ULK4: variants seen among roughly 807,000 people sequenced by gnomAD.
ULK4 encodes the protein inactive serine/threonine-protein kinase ULK4.
In ULK4, 133 loss-of-function variants were observed where a neutral mutation model predicts 160.6. The observed-to-expected ratio is 0.83, with a 90% CI of 0.72 to 0.96. The LOEUF (loss-of-function observed/expected upper bound fraction) is 0.96. Among genes scored for constraint, ULK4 ranks in the 40% least tolerant of loss-of-function variants. ULK4 has a pLI of 0.00. For missense variants in ULK4, 1,580 were observed against 1,499.5 expected, an observed-to-expected ratio of 1.05 and a Z score of -0.89; for synonymous variants, 534 against 539.8, an observed-to-expected ratio of 0.99 and a Z score of 0.15.
At chr3:41,302,217 T>A (rs1426168420) in intron 35 of ULK4, among the ~76,000 whole-genome samples, 2 of 152,220 alleles carry the variant, frequency 1.3e-5, no homozygotes, top group Admixed American at 6.5e-5. Flanking sequence ...TTTTTAAAAG[T>A]CATTTTTAAA....
At chr3:41,956,021 T>C (rs945262504) in intron 1 of ULK4, among the ~76,000 whole-genome samples, 2 of 151,918 alleles carry the variant, frequency 1.3e-5, no homozygotes, top group Non-Finnish European at 2.9e-5. Flanking sequence ...TTCCTGTAAC[T>C]AAATTGAAAG....
chr3:41,850,629 A>C (rs1021681139), intron 17 of ULK4, among the ~76,000 whole-genome samples: 7 of 147,910 alleles, frequency 4.7e-5, no homozygotes, highest in Admixed American at 2.1e-4. Flanking sequence ...AGAGTCTGTT[A>C]ATATCCTTTG....
chr3:41,944,906 C>T (rs1268459142), intron 2 of ULK4, among the ~76,000 whole-genome samples: 5 of 152,172 alleles, frequency 3.3e-5, no homozygotes, highest in African/African-American at 1.2e-4. Context: ...ATACCACTGA[C>T]GTTATTTGAC....
intron 32 of ULK4, among the ~76,000 whole-genome samples, chr3:41,554,362 C>A (rs1318972820): frequency 6.6e-6 from 1 of 152,112 alleles, no homozygotes; most frequent in African/African-American, 2.4e-5. Context: ...TGATGGAATA[C>A]TATTCAGCCA....
intron 31 of ULK4, among the ~76,000 whole-genome samples, chr3:41,597,320 G>A (rs1049762302): frequency 2.0e-5 from 3 of 152,188 alleles, no homozygotes; most frequent in Non-Finnish European, 2.9e-5. Context: ...CTTTCTCTGT[G>A]TGGACCAAGG....
intron 35 of ULK4, among the ~76,000 whole-genome samples, chr3:41,340,997 T>A (rs1026596167): frequency 6.6e-6 from 1 of 152,086 alleles, no homozygotes; most frequent in African/African-American, 2.4e-5. Flanking sequence ...TATCTGAGGA[T>A]GGGGGTAAGA....
intron 29 of ULK4, among the ~76,000 whole-genome samples, chr3:41,664,126 T>C (rs1331383625): frequency 6.6e-6 from 1 of 152,196 alleles, no homozygotes; most frequent in Non-Finnish European, 1.5e-5. Context: ...ACTCACTTAC[T>C]TCATAAAATA....
At chr3:41,919,876 AC>A in intron 5 of ULK4, 58 bp from the exon 6 acceptor site, 1 of 1,185,510 alleles carries the variant, frequency 8.4e-7, no homozygotes, top group Non-Finnish European at 1.2e-6. Context: ...GCCAACACGA[AC>A]CCACCTAGGA....
rs995039836 is a variant in ULK4 at position 41,667,991 on chromosome 3, C to T, written c.2979-4292G>A. On this transcript the variant is annotated intron_variant, in intron 29 of 36. Transcript: ENST00000301831. ...CCCAATTAGGTTATCTGGGAGAAAA[C>T]TGAAACTCGCTATCTAAATAACTCT... Among the ~76,000 whole-genome samples, 6 of 152,274 alleles carry T rather than the reference C, an allele frequency of 3.9e-5. No individual in the cohort carries two copies. The East Asian group carries it at 1.2e-3, about 29-fold the overall frequency.
rs66602936 is a variant in ULK4 at position 41,300,837 on chromosome 3, TTATATATATATATATATATATA to T, written c.3679-51285_3679-51264del. On this transcript the variant is annotated intron_variant, in intron 35 of 36. Transcript: ENST00000301831. ...GATTAAATTTTGATCATTTTACAGA[TTATATATATATATATATATATA>T]TATATATATATATATATATATATAT... 9.2e-3 allele frequency among the ~76,000 whole-genome samples: 531 copies of T among 57,878 alleles called. 14 individuals carry two copies. Among genetic ancestry groups the T allele is most frequent in the Middle Eastern group, 0.026 (2 of 78 alleles). The allele number at this position is 57,878 out of a possible 152,430, so 38.0% of individuals were successfully genotyped here. A position where few individuals can be genotyped will look rare whatever the true frequency, so the allele number is the denominator to read the frequency against.
At chr3:41,717,595 C>T (rs2037313361) in intron 23 of ULK4, 133 bp downstream of exon 23, 2 of 1,122,182 alleles carry the variant, frequency 1.8e-6, no homozygotes, top group East Asian at 2.5e-5. Flanking sequence ...CTTGAAACTA[C>T]ATATTCGTTA....
intron 22 of ULK4, among the ~76,000 whole-genome samples, chr3:41,725,782 C>T (rs189261834): frequency 7.2e-5 from 11 of 152,236 alleles, no homozygotes; most frequent in East Asian, 5.8e-4. Context: ...CTGAAAACTA[C>T]GGAGATACTC....
chr3:41,702,792 T>A (rs1375344315), intron 27 of ULK4, among the ~76,000 whole-genome samples: 1 of 151,792 alleles, frequency 6.6e-6, no homozygotes, highest in Non-Finnish European at 1.5e-5. Flanking sequence ...TACACATCTC[T>A]TTCAGTAATT....
chr3:41,937,977 A>G, intron 3 of ULK4, 121 bp downstream of exon 3: 1 of 617,138 alleles, frequency 1.6e-6, no homozygotes, highest in East Asian at 3.0e-5. Context: ...CCCTTCCCTA[A>G]TATCCACAGA....
At chr3:41,892,683 T>C (rs1177968790) in intron 16 of ULK4, among the ~76,000 whole-genome samples, 1 of 152,202 alleles carries the variant, frequency 6.6e-6, no homozygotes, top group African/African-American at 2.4e-5. Flanking sequence ...CTTATCTGAG[T>C]TCCTTTCTTG....
intron 32 of ULK4, among the ~76,000 whole-genome samples, chr3:41,535,247 T>C (rs182041717): frequency 1.3e-5 from 2 of 152,342 alleles, no homozygotes; most frequent in African/African-American, 2.4e-5. Context: ...GCAATAATTA[T>C]GTCGCAGCTA....
intron 7 of ULK4, among the ~76,000 whole-genome samples, chr3:41,916,900 G>T (rs1348742405): frequency 6.6e-6 from 1 of 151,646 alleles, no homozygotes; most frequent in Admixed American, 6.6e-5. Flanking sequence ...TAGAGACAGG[G>T]TTTCACCATG....
At chr3:41,420,715 C>A (rs889597975) in intron 34 of ULK4, among the ~76,000 whole-genome samples, 5 of 150,672 alleles carry the variant, frequency 3.3e-5, no homozygotes, top group Non-Finnish European at 5.9e-5. Context: ...AAACTCCCAA[C>A]CTCAGGTGAT....
chr3:41,926,384 A>T (rs562658599), intron 5 of ULK4, among the ~76,000 whole-genome samples: 1 of 152,304 alleles, frequency 6.6e-6, no homozygotes, highest in South Asian at 2.1e-4. Flanking sequence ...ATCCACAAAG[A>T]TGGAGAGAAA....
Sources: allele counts gnomAD v4.1 joint callset (sites outside exome capture counted in the v4.1 genomes callset), GRCh38; gene constraint gnomAD v4.1.1; transcripts MANE v1.5; gene names NCBI Gene and HGNC (gene_info 2026-07-23, HGNC 2026-07-21).